NINL: variants seen among roughly 807,000 people sequenced by gnomAD.
NINL encodes the protein ninein like.
NINL carries 153 observed loss-of-function variants against 160.3 expected under a neutral mutation model. That is an observed-to-expected ratio of 0.95 (90% confidence interval 0.84 to 1.09). The LOEUF (loss-of-function observed/expected upper bound fraction) is 1.09. Ranked by LOEUF, NINL falls within the 50% of genes least tolerant of loss-of-function variation. The pLI, the probability that NINL is intolerant of heterozygous loss-of-function variation, is 0.00. For synonymous variants in NINL, 800 were observed against 734.8 expected (o/e 1.09, Z -1.43); for missense variants, 1,829 against 1,764.0 (o/e 1.04, Z -0.66).
intron 7 of NINL, among the ~76,000 whole-genome samples, chr20:25,503,142 T>C (rs573101355): frequency 4.3e-4 from 53 of 123,926 alleles, no homozygotes; most frequent in Middle Eastern, 6.3e-3. Context: ...CCTCCTGTAA[T>C]CCCAGCAGGT....
In NINL at chr20:25,455,765, T is replaced by C; in HGVS notation, c.3865A>G (p.Lys1289Glu). The change falls in exon 23 of 24, where the codon AAA (lysine) becomes GAA (glutamate). Residue 1289 changes from lysine to glutamate, a missense_variant. Physicochemically the swap from Lys to Glu is moderately conservative, Grantham distance 56 (BLOSUM62 1). Coordinates refer to ENST00000278886, the MANE Select transcript of NINL (RefSeq NM_025176.6). ...TCTTCCACCCGCTCTTCTGTGGCTTTCAGCTGTTTCTCATGTTCTTCCTGC... is the reference window on the plus strand; with the variant it reads ...TCTTCCACCCGCTCTTCTGTGGCTTCCAGCTGTTTCTCATGTTCTTCCTGC... ...AQREEHEKQLKATEERVEEAE... is the reference protein window; with the variant it reads ...AQREEHEKQLEATEERVEEAE... 1 of 1,614,152 alleles carries C rather than the reference T, an allele frequency of 6.2e-7. No individual in the cohort carries two copies.
chr20:25,571,444 T>C (rs1469555890), intron 1 of NINL, among the ~76,000 whole-genome samples: 2 of 152,080 alleles, frequency 1.3e-5, no homozygotes, highest in African/African-American at 4.8e-5. Context: ...GAGAACTCAG[T>C]GCACACCTGC....
chr20:25,529,239 C>G (rs2064409297), intron 1 of NINL, among the ~76,000 whole-genome samples: 1 of 152,006 alleles, frequency 6.6e-6, no homozygotes, highest in African/African-American at 2.4e-5. Context: ...CACCATTGCA[C>G]TCTAGCCTGG....
At chr20:25,570,390 G>T (rs187206403) in intron 1 of NINL, among the ~76,000 whole-genome samples, 164 of 152,192 alleles carry the variant, frequency 1.1e-3, no homozygotes, top group African/African-American at 3.6e-3. Context: ...GTTCTCATGA[G>T]ATTTGGTTGT....
At chr20:25,560,197 C>T (rs1186385199) in intron 1 of NINL, among the ~76,000 whole-genome samples, 3 of 152,214 alleles carry the variant, frequency 2.0e-5, no homozygotes, top group Non-Finnish European at 4.4e-5. Flanking sequence ...CAATTCTTCA[C>T]CTTAGCCTCC....
At chr20:25,485,810 T>G (rs2146627084) in intron 13 of NINL, among the ~76,000 whole-genome samples, 1 of 152,362 alleles carries the variant, frequency 6.6e-6, no homozygotes, top group African/African-American at 2.4e-5. Flanking sequence ...TTTCTCCTTT[T>G]CTCAGTGGAT....
At chr20:25,548,280 C>A (rs942772676) in intron 1 of NINL, among the ~76,000 whole-genome samples, 28 of 152,208 alleles carry the variant, frequency 1.8e-4, no homozygotes, top group Admixed American at 6.5e-4. Flanking sequence ...TGATCCCAGG[C>A]ACCTTTGTGC....
chr20:25,501,456 A>T (rs1195084204), intron 7 of NINL, among the ~76,000 whole-genome samples: 2 of 152,202 alleles, frequency 1.3e-5, no homozygotes, highest in Non-Finnish European at 2.9e-5. Flanking sequence ...GCAGGCTGGA[A>T]GGGCAGAAGT....
At chr20:25,566,477 A>C (rs971979197) in intron 1 of NINL, among the ~76,000 whole-genome samples, 6 of 152,228 alleles carry the variant, frequency 3.9e-5, no homozygotes, top group Non-Finnish European at 7.3e-5. Flanking sequence ...AGATCTGACA[A>C]AGATTTTGCA....
chr20:25,575,798 T>C (rs961129684), intron 1 of NINL, among the ~76,000 whole-genome samples: 1 of 151,826 alleles, frequency 6.6e-6, no homozygotes, highest in Admixed American at 6.6e-5. Context: ...GTACAAAAAA[T>C]TCTCCAATAC....
intron 7 of NINL, among the ~76,000 whole-genome samples, chr20:25,502,856 C>T (rs971968426): frequency 1.1e-4 from 17 of 152,240 alleles, no homozygotes; most frequent in Non-Finnish European, 2.1e-4. Context: ...CAGACACTGG[C>T]ACCATGCTTC....
intron 22 of NINL, 66 bp from the exon 23 acceptor site, chr20:25,455,852 G>T (rs1478406986): frequency 3.0e-6 from 4 of 1,337,470 alleles, no homozygotes; most frequent in Non-Finnish European, 4.3e-6. Flanking sequence ...CAGCACTTTG[G>T]GAGGCCGAGG....
intron 17 of NINL, among the ~76,000 whole-genome samples, chr20:25,471,306 T>C (rs954811513): frequency 2.6e-5 from 4 of 152,188 alleles, no homozygotes; most frequent in African/African-American, 7.2e-5. Context: ...ATTATACTTA[T>C]AATAGTAAAC....
chr20:25,490,560 A>G (rs1206561866), intron 11 of NINL, among the ~76,000 whole-genome samples: 1 of 145,114 alleles, frequency 6.9e-6, no homozygotes, highest in African/African-American at 2.7e-5. Flanking sequence ...ACTCCATCTC[A>G]AGGAAAAAAA....
intron 9 of NINL, among the ~76,000 whole-genome samples, chr20:25,497,570 G>T (rs941745033): frequency 6.6e-6 from 1 of 152,224 alleles, no homozygotes; most frequent in African/African-American, 2.4e-5. Flanking sequence ...AAAACACCAC[G>T]ACAATCTTTT....
intron 3 of NINL, among the ~76,000 whole-genome samples, chr20:25,513,546 C>T (rs2064113058): frequency 6.6e-6 from 1 of 152,224 alleles, no homozygotes; most frequent in Admixed American, 6.5e-5. Context: ...TGGCCTAGCA[C>T]ACTCTCACCA....
intron 13 of NINL, among the ~76,000 whole-genome samples, chr20:25,488,721 C>T (rs948177168): frequency 4.6e-5 from 7 of 151,624 alleles, no homozygotes; most frequent in Admixed American, 2.0e-4. Context: ...GCTATGTTCC[C>T]CAAAATAGGC....
chr20:25,522,528 T>C (rs545719303), intron 2 of NINL, among the ~76,000 whole-genome samples: 9 of 152,352 alleles, frequency 5.9e-5, no homozygotes, highest in South Asian at 2.1e-4. Flanking sequence ...AGATAGAAAC[T>C]GTGAGTCTTT....
At chr20:25,579,177 G>A (rs2065147074) in intron 1 of NINL, among the ~76,000 whole-genome samples, 1 of 152,084 alleles carries the variant, frequency 6.6e-6, no homozygotes, top group Admixed American at 6.6e-5. Flanking sequence ...GTGTTGGGAG[G>A]CACAGCAGGG....
Sources: gnomAD v4.1 joint callset for allele counts (sites outside exome capture counted in the v4.1 genomes callset) on GRCh38, gnomAD v4.1.1 for gene constraint, MANE v1.5 for transcripts, NCBI Gene and HGNC (gene_info 2026-07-23, HGNC 2026-07-21) for gene names.